SPATS2L: variants seen among roughly 807,000 people sequenced by gnomAD.
SPATS2L encodes the protein SPATS2-like protein.
Under a neutral mutation model 59.6 loss-of-function variants are expected in SPATS2L, and 30 were observed. That is an observed-to-expected ratio of 0.50 (90% CI 0.38 to 0.68). The LOEUF (loss-of-function observed/expected upper bound fraction) is 0.68, where lower values mean the gene tolerates loss of function less well. Among genes scored for constraint, SPATS2L ranks in the 30% least tolerant of loss-of-function variants. The pLI is 0.00. For synonymous variants in SPATS2L, 252 were observed against 263.5 expected, an observed-to-expected ratio of 0.96 and a Z score of 0.42; for missense variants, 615 against 700.0, an observed-to-expected ratio of 0.88 and a Z score of 1.37.
intron 12 of SPATS2L, among the ~76,000 whole-genome samples, chr2:200,477,104 G>C (rs956357198): frequency 2.0e-5 from 3 of 152,168 alleles, no homozygotes; most frequent in Non-Finnish European, 4.4e-5. Flanking sequence ...GATACGGGGT[G>C]GGGTAGGCCA....
At chr2:200,392,134 G>A (rs922221825) in intron 3 of SPATS2L, among the ~76,000 whole-genome samples, 2 of 152,120 alleles carry the variant, frequency 1.3e-5, no homozygotes, top group African/African-American at 2.4e-5. Flanking sequence ...CTGATGAGCT[G>A]ATCTTTGGCT....
At chr2:200,414,636 G>GA (rs1026128440) in intron 4 of SPATS2L, among the ~76,000 whole-genome samples, 22 of 147,732 alleles carry the variant, frequency 1.5e-4, no homozygotes, top group East Asian at 5.9e-4. Flanking sequence ...TCTCCAAAAA[G>GA]AAAAAAAAAC....
intron 2 of SPATS2L, among the ~76,000 whole-genome samples, chr2:200,367,322 C>T (rs527359549): frequency 6.6e-6 from 1 of 152,146 alleles, no homozygotes; most frequent in African/African-American, 2.4e-5. Flanking sequence ...GATCTCTGAC[C>T]TGCTTACTCA....
upstream of SPATS2L, chr2:200,306,628 CGGGT>C (rs1359805708): frequency 5.1e-6 from 4 of 786,466 alleles, no homozygotes; most frequent in East Asian, 5.1e-4. Context: ...GGAAGGCGGG[CGGGT>C]CGGCGGGCGG....
At chr2:200,384,481 G>A (rs2081926616) in intron 2 of SPATS2L, among the ~76,000 whole-genome samples, 1 of 152,166 alleles carries the variant, frequency 6.6e-6, no homozygotes, top group Non-Finnish European at 1.5e-5. Context: ...AGCCTCCCCA[G>A]CAGCTGGGAC....
chr2:200,409,221 G>T (rs1250526803), intron 3 of SPATS2L, among the ~76,000 whole-genome samples: 5 of 152,224 alleles, frequency 3.3e-5, no homozygotes, highest in African/African-American at 7.2e-5. Context: ...TATTAGTCAC[G>T]CATTGATTGA....
chr2:200,437,950 G>A (rs975296402), intron 6 of SPATS2L, among the ~76,000 whole-genome samples: 2 of 152,046 alleles, frequency 1.3e-5, no homozygotes, highest in Non-Finnish European at 2.9e-5. Flanking sequence ...TCTACAGAAA[G>A]CCATCGAGCC....
intron 3 of SPATS2L, among the ~76,000 whole-genome samples, chr2:200,398,173 G>A (rs1436536884): frequency 1.3e-5 from 2 of 152,156 alleles, no homozygotes; most frequent in Non-Finnish European, 2.9e-5. Context: ...GTGTGGCTGG[G>A]GTGCAAATGC....
At chr2:200,320,243 A>G (rs577589766) in intron 1 of SPATS2L, among the ~76,000 whole-genome samples, 10 of 152,228 alleles carry the variant, frequency 6.6e-5, no homozygotes, top group Non-Finnish European at 1.3e-4. Flanking sequence ...ACTCTATGAT[A>G]AAGAATAAGA....
At chr2:200,443,505 G>A (rs2084833591) in intron 8 of SPATS2L, among the ~76,000 whole-genome samples, 1 of 152,182 alleles carries the variant, frequency 6.6e-6, no homozygotes, top group Non-Finnish European at 1.5e-5. Context: ...AAGAATGCCA[G>A]TTCTGAGAGA....
At chr2:200,413,940 T>C (rs1181347507) in intron 4 of SPATS2L, among the ~76,000 whole-genome samples, 1 of 152,230 alleles carries the variant, frequency 6.6e-6, no homozygotes, top group Non-Finnish European at 1.5e-5. Context: ...AATCTAACTT[T>C]GCAGCATTAG....
At chr2:200,458,679 A>G (rs1354649731) in intron 8 of SPATS2L, among the ~76,000 whole-genome samples, 2 of 152,162 alleles carry the variant, frequency 1.3e-5, no homozygotes, top group Non-Finnish European at 2.9e-5. Context: ...TTAAGAGTCA[A>G]TCAACCAATT....
chr2:200,307,122 G>A (rs2079044664), intron 1 of SPATS2L, among the ~76,000 whole-genome samples, 200 bp downstream of exon 1: 1 of 150,930 alleles, frequency 6.6e-6, no homozygotes, highest in African/African-American at 2.4e-5. Flanking sequence ...CGGACCGGAC[G>A]CGAAGGTCGC....
intron 6 of SPATS2L, among the ~76,000 whole-genome samples, chr2:200,432,046 C>A (rs2083970257): frequency 6.6e-6 from 1 of 152,136 alleles, no homozygotes. Flanking sequence ...CAAAGCATAT[C>A]AAGAACTTTT....
At chr2:200,349,439 A>G (rs1246213506) in intron 2 of SPATS2L, among the ~76,000 whole-genome samples, 1 of 152,178 alleles carries the variant, frequency 6.6e-6, no homozygotes. Flanking sequence ...AATTTGAGAC[A>G]AGATTGACCA....
intron 6 of SPATS2L, among the ~76,000 whole-genome samples, chr2:200,424,975 C>T (rs1056274082): frequency 1.3e-5 from 2 of 152,214 alleles, no homozygotes; most frequent in Non-Finnish European, 2.9e-5. Flanking sequence ...TGCCCTGTAC[C>T]ACAAAGCAGG....
intron 2 of SPATS2L, among the ~76,000 whole-genome samples, chr2:200,384,304 G>T (rs563984435): frequency 1.2e-4 from 18 of 152,160 alleles, no homozygotes; most frequent in African/African-American, 4.3e-4. Context: ...TGTTTGAAGT[G>T]ATTGGTGGTA....
intron 1 of SPATS2L, among the ~76,000 whole-genome samples, chr2:200,317,525 AGGAAGAG>A (rs2079420499): frequency 6.6e-6 from 1 of 152,170 alleles, no homozygotes; most frequent in Non-Finnish European, 1.5e-5. Flanking sequence ...GAGACTGATC[AGGAAGAG>A]GATATGAAAT....
chr2:200,331,812 T>C (rs1228199467), intron 2 of SPATS2L, among the ~76,000 whole-genome samples: 1 of 152,210 alleles, frequency 6.6e-6, no homozygotes, highest in Non-Finnish European at 1.5e-5. Flanking sequence ...TTGTTATTGG[T>C]AAGACAGTGG....
Sources: gnomAD v4.1 joint callset for allele counts (sites outside exome capture counted in the v4.1 genomes callset) on GRCh38, gnomAD v4.1.1 for gene constraint, MANE v1.5 for transcripts, NCBI Gene and HGNC (gene_info 2026-07-23, HGNC 2026-07-21) for gene names.